The following PDGFD variants were observed in gnomAD, a reference collection of about 807,000 sequenced individuals.
PDGFD encodes the protein platelet-derived growth factor D.
In PDGFD, 30 loss-of-function variants were observed where a neutral mutation model predicts 44.7. The observed-to-expected ratio is 0.67, with a 90% CI of 0.50 to 0.91. The LOEUF is 0.91. PDGFD is among the 40% of genes least tolerant of loss of function. The probability of loss-of-function intolerance (pLI) is 0.00; values close to 1 mark genes in which losing one functional copy is unlikely to be tolerated. For missense variants in PDGFD, 445 were observed against 457.8 expected, an observed-to-expected ratio of 0.97 and a Z score of 0.25; for synonymous variants, 173 against 168.4, an observed-to-expected ratio of 1.03 and a Z score of -0.21.
At chr11:104,014,665 T>A (rs544831851) in intron 1 of PDGFD, among the ~76,000 whole-genome samples, 9 of 152,304 alleles carry the variant, frequency 5.9e-5, no homozygotes, top group African/African-American at 1.9e-4. Context: ...TGTGCCTACA[T>A]TGCTAAAAGC....
chr11:104,143,104 C>T (rs77844501), intron 1 of PDGFD, among the ~76,000 whole-genome samples: 1,527 of 152,182 alleles, frequency 0.01, 29 homozygotes, highest in African/African-American at 0.035. Flanking sequence ...AGGATATTGT[C>T]GTTAATATTC....
intron 1 of PDGFD, among the ~76,000 whole-genome samples, chr11:104,044,594 T>C (rs985753419): frequency 7.9e-5 from 12 of 152,096 alleles, no homozygotes; most frequent in African/African-American, 2.9e-4. Flanking sequence ...AATATTTGCA[T>C]GTATAAATGT....
chr11:104,155,958 C>A (rs1862301207), intron 1 of PDGFD, among the ~76,000 whole-genome samples: 2 of 152,136 alleles, frequency 1.3e-5, no homozygotes. Context: ...CATTTCAAAT[C>A]TTAAATATTC....
At position 104,156,717 on chromosome 11, in the gene PDGFD, C is replaced by T. The variant is rs76564038; in HGVS notation, c.124+7087G>A. ...ACCAGAGGGAAGATGAAGGAAAAGA[C>T]ATATTATCATGTGCATTATCAACAG... On this transcript the variant is annotated intron_variant, in intron 1 of 6. Coordinates refer to ENST00000393158, the MANE Select transcript of PDGFD (RefSeq NM_025208.5). Among the ~76,000 whole-genome samples, 570 of 152,284 alleles carry T rather than the reference C, an allele frequency of 3.7e-3. 31 individuals carry two copies. In the East Asian group the frequency reaches 0.091, roughly 24 times the overall value.
chr11:104,037,568 A>T, intron 1 of PDGFD: 1 of 1,614,042 alleles, frequency 6.2e-7, no homozygotes, highest in Non-Finnish European at 8.5e-7. Flanking sequence ...ATTAACTGCA[A>T]AGTGAATGGG....
rs142055350 is a variant in PDGFD, at chr11:104,063,663, C to T, written c.125-63408G>A. On this transcript the variant is annotated intron_variant, in intron 1 of 6. Coordinates refer to ENST00000393158, the MANE Select transcript of PDGFD (RefSeq NM_025208.5). ...GGCCTCAGGAAACTTACAATCATGACAGAAGGTAAAGGGGAAGCAAGGCAC... is the reference window on the plus strand; with the variant it reads ...GGCCTCAGGAAACTTACAATCATGATAGAAGGTAAAGGGGAAGCAAGGCAC... 2.0e-5 allele frequency among the ~76,000 whole-genome samples: 3 copies of T among 152,190 alleles called. No homozygotes were observed. In the East Asian group the frequency reaches 5.8e-4, roughly 29 times the overall value.
At chr11:104,075,377 G>GTT (rs10716989) in intron 1 of PDGFD, among the ~76,000 whole-genome samples, 1 of 147,512 alleles carries the variant, frequency 6.8e-6, no homozygotes, top group African/African-American at 2.5e-5. Flanking sequence ...ATTTCTCAGT[G>GTT]TTTTTTTTTT....
intron 1 of PDGFD, among the ~76,000 whole-genome samples, chr11:104,071,253 T>G (rs1050038065): frequency 5.3e-5 from 8 of 151,928 alleles, no homozygotes; most frequent in Admixed American, 1.3e-4. Flanking sequence ...CATAATAACT[T>G]TAACTTAAAT....
intron 1 of PDGFD, among the ~76,000 whole-genome samples, chr11:104,127,397 GA>G (rs1174145359): frequency 6.6e-6 from 1 of 152,136 alleles, no homozygotes; most frequent in Non-Finnish European, 1.5e-5. Context: ...CAACAAGTCA[GA>G]AAACCACTAT....
intron 1 of PDGFD, among the ~76,000 whole-genome samples, chr11:104,010,579 A>G (rs1859769487): frequency 6.6e-6 from 1 of 152,116 alleles, no homozygotes; most frequent in African/African-American, 2.4e-5. Flanking sequence ...ATGGTAAAAT[A>G]TTAAAATGGA....
chr11:103,916,177 T>G (rs925126491), intron 6 of PDGFD, among the ~76,000 whole-genome samples: 1 of 152,044 alleles, frequency 6.6e-6, no homozygotes, highest in Non-Finnish European at 1.5e-5. Context: ...GGGAGAAAAT[T>G]TTTGCAATCT....
At chr11:104,042,708 C>T (rs1860376943) in intron 1 of PDGFD, among the ~76,000 whole-genome samples, 1 of 152,044 alleles carries the variant, frequency 6.6e-6, no homozygotes, top group Non-Finnish European at 1.5e-5. Flanking sequence ...GATGCCTTGT[C>T]CAAATAAAGC....
At chr11:104,020,728 T>C (rs920977996) in intron 1 of PDGFD, among the ~76,000 whole-genome samples, 1 of 152,270 alleles carries the variant, frequency 6.6e-6, no homozygotes, top group East Asian at 1.9e-4. Context: ...AATATTACAT[T>C]ATTCCCTGCA....
intron 3 of PDGFD, among the ~76,000 whole-genome samples, chr11:103,992,306 T>C (rs1859468454): frequency 6.6e-6 from 1 of 152,140 alleles, no homozygotes; most frequent in African/African-American, 2.4e-5. Context: ...TGCATAGGAA[T>C]GAGATACACA....
At chr11:104,097,754 G>A (rs1234317521) in intron 1 of PDGFD, among the ~76,000 whole-genome samples, 1 of 152,164 alleles carries the variant, frequency 6.6e-6, no homozygotes, top group Non-Finnish European at 1.5e-5. Flanking sequence ...TACATATGAA[G>A]AAATGGAGGC....
chr11:104,092,508 G>T (rs777182729), intron 1 of PDGFD, among the ~76,000 whole-genome samples: 2 of 152,076 alleles, frequency 1.3e-5, no homozygotes, highest in Non-Finnish European at 2.9e-5. Context: ...CTTTTACAAT[G>T]TTAAAATCAA....
At chr11:103,924,567 GAAGT>G (rs1194236915) in intron 6 of PDGFD, among the ~76,000 whole-genome samples, 1 of 152,144 alleles carries the variant, frequency 6.6e-6, no homozygotes, top group East Asian at 1.9e-4. Flanking sequence ...TTCCCTGTCT[GAAGT>G]AAGTATGGTC....
chr11:104,000,933 A>G (rs1002404282), intron 1 of PDGFD, among the ~76,000 whole-genome samples: 5 of 152,178 alleles, frequency 3.3e-5, no homozygotes, highest in African/African-American at 1.2e-4. Flanking sequence ...AACCCTTGGA[A>G]TTTCTCACGT....
In PDGFD at chr11:103,927,115, T is replaced by C. The variant is rs2134311020; in HGVS notation, c.784A>G (p.Arg262Gly). The C allele has an allele frequency of 6.2e-7, 1 of 1,614,022 alleles. No homozygotes were observed. Among genetic ancestry groups the C allele is most frequent in the Non-Finnish European group, 8.5e-7 (1 of 1,179,902 alleles). ...TAACGCTTGGCATCATCATTGAGCC[T>C]ATCCAGGTCAACTGTAAGCAAATAC... ...HDRKSKVDLDRLNDDAKRYSC... is the reference protein window; with the variant it reads ...HDRKSKVDLDGLNDDAKRYSC... The change falls in exon 6 of 7, where the codon AGG (arginine) becomes GGG (glycine). Residue 262 changes from arginine to glycine, a missense_variant. Transcript: ENST00000393158.
Sources: allele counts gnomAD v4.1 joint callset (sites outside exome capture counted in the v4.1 genomes callset), GRCh38; gene constraint gnomAD v4.1.1; transcripts MANE v1.5; gene names NCBI Gene and HGNC (gene_info 2026-07-23, HGNC 2026-07-21).